The following PLEC variants were observed in gnomAD, a reference collection of about 807,000 sequenced individuals.
PLEC encodes the protein hemidesmosomal protein 1.
In PLEC, 216 loss-of-function variants were observed where a neutral mutation model predicts 392.8. That is an observed-to-expected ratio of 0.55 (90% CI 0.49 to 0.62). The LOEUF is 0.62. Ranked by LOEUF, PLEC falls within the 20% of genes least tolerant of loss-of-function variation. PLEC has a pLI of 0.00. For synonymous variants in PLEC, 3,621 were observed against 2,980.6 expected (o/e 1.21, Z -7.00); for missense variants, 6,863 against 6,563.4 (o/e 1.05, Z -1.58).
rs782403346 is a variant in PLEC, at chr8:143,925,882, C to T, written c.4047G>A (p.Arg1349=). 2.6e-6 allele frequency: 4 copies of T among 1,543,506 alleles called. No homozygotes were observed. In the African/African-American group the frequency reaches 5.4e-5, roughly 21 times the overall value. Reference sequence around the variant, plus strand: ...CCTCTGCCCGCTGCTGCTCAGCCAGCCTCTGTGGCCACAGCAGAGAGAAGA... The same window carrying T: ...CCTCTGCCCGCTGCTGCTCAGCCAGTCTCTGTGGCCACAGCAGAGAGAAGA... ...ETLRRMEEEE[R]LAEQQRAEER... The change falls in exon 31 of 32, where the codon AGG becomes AGA. Residue 1349 remains arginine, a splice_region_variant and synonymous_variant. Transcript: ENST00000345136.
Position 143,919,067 on chromosome 8 carries a change from ATGG to A in PLEC, c.10751_10753del (p.Thr3584del). 6.2e-7 allele frequency: 1 copy of A among 1,611,422 alleles called. No homozygotes were observed. On this transcript the variant is annotated inframe_deletion, in exon 32 of 32. Transcript: ENST00000345136. ...CGACTGCATCACCTCCCACAGGGAC[ATGG>A]TGGAGCCGCCGTGGCTGCCGCCGCC...
chr8:143,923,541 G>C lies in PLEC; in HGVS notation c.6388C>G (p.Gln2130Glu). 6.3e-7 allele frequency: 1 copy of C among 1,598,946 alleles called. No homozygotes were observed. The highest frequency in any genetic ancestry group is 8.5e-7 in the Non-Finnish European group (1 of 1,178,342). The change falls in exon 31 of 32, where the codon CAG (glutamine) becomes GAG (glutamate). Residue 2130 changes from glutamine (Q) to glutamate (E), a missense_variant. Physicochemically the swap from Gln to Glu is conservative, Grantham distance 29. Coordinates refer to ENST00000345136, the MANE Select transcript of PLEC (RefSeq NM_201384.3). ...SAEEQAQARA[Q>E]AQAAAEKLRK... ...AGCTTCTCTGCAGCCGCCTGTGCCT[G>C]AGCCCGGGCCTGTGCCTGCTCCTCT... is the stretch of plus-strand genomic sequence containing the variant.
At chr8:143,933,842 A>C (rs781941078) in intron 12 of PLEC, among the ~76,000 whole-genome samples, 156 bp downstream of exon 12, 3 of 152,088 alleles carry the variant, frequency 2.0e-5, no homozygotes, top group African/African-American at 7.2e-5. Context: ...AGGAGGGAGG[A>C]GCTCAGGCCT....
upstream of PLEC, chr8:143,975,088 C>T: frequency 7.0e-7 from 1 of 1,431,824 alleles, no homozygotes; most frequent in South Asian, 1.2e-5. The surrounding 1 kb of genome is among the most constrained non-coding windows in gnomAD (Gnocchi z 9.9). Flanking sequence ...CTCCCCCACC[C>T]AGTCCCCGCT....
chr8:143,931,566 T>C lies in PLEC; in HGVS notation c.2272A>G (p.Thr758Ala), dbSNP rs782438888. ...TCCTGCAGCAGGTCCTCCAGCCGGG[T>C]GACGGTGGCGGAGCGATCACAACTG... ...KYSCDRSATV[T>A]RLEDLLQDAQ... The change falls in exon 19 of 32, where the codon ACC becomes GCC. Residue 758 changes from threonine to alanine, a missense_variant. By Grantham distance (58) the Thr-to-Ala change is moderately conservative. Transcript: ENST00000345136. 6 of 1,596,350 alleles carry C rather than the reference T, an allele frequency of 3.8e-6. No individual in the cohort carries two copies. The Admixed American group carries it at 6.9e-5, about 18-fold the overall frequency.
Position 143,922,954 on chromosome 8 carries a change from G to C in PLEC, c.6975C>G (p.Leu2325=), listed in dbSNP as rs1554691013. 6.2e-7 allele frequency: 1 copy of C among 1,609,440 alleles called. No homozygotes were observed. Among genetic ancestry groups the C allele is most frequent in the Non-Finnish European group, 8.5e-7 (1 of 1,178,422 alleles). ...GCTGCAGCAGTTCCGCCTCAGCCTT[G>C]AGTCGCGTGGCCTCCTGCACCGCCT... ...KMQAVQEATR[L]KAEAELLQQQ... Residue 2325 remains leucine (L), a synonymous_variant, in exon 31 of 32, where the codon CTC becomes CTG. Transcript: ENST00000345136.
Position 143,929,492 on chromosome 8 carries a change from C to T in PLEC, c.3003G>A (p.Thr1001=), listed in dbSNP as rs782254666. 1.4e-5 allele frequency: 22 copies of T among 1,610,274 alleles called. No individual in the cohort carries two copies. The highest frequency in any genetic ancestry group is 9.9e-5 in the South Asian group (9 of 90,804). ...GCAGCCGCAGGCGGTGCACGGTGCG[C>T]GTCTCACAGGCCTCCAGCTGCAGCC... ...DIRLQLEACE[T]RTVHRLRLPL... The change falls in exon 24 of 32, where the codon ACG becomes ACA. Residue 1001 remains threonine, a synonymous_variant. Transcript: ENST00000345136.
At chr8:143,949,556 G>C (rs56015234) in intron 1 of PLEC, among the ~76,000 whole-genome samples, 11,349 of 152,222 alleles carry the variant, frequency 0.075, 1,412 homozygotes, top group African/African-American at 0.26. Flanking sequence ...TAGGCCCCAG[G>C]CTGGGCCAGC....
upstream of PLEC, among the ~76,000 whole-genome samples, chr8:143,973,909 G>A (rs892471314): frequency 2.0e-5 from 3 of 151,982 alleles, no homozygotes; most frequent in Admixed American, 1.3e-4. This position sits in a 1 kb window ranked among gnomAD's most constrained non-coding sequence, Gnocchi z 5.6. Flanking sequence ...CATTGGAGAC[G>A]ACTGAGTCGG....
Position 143,923,822 on chromosome 8 carries a change from A to T in PLEC, c.6107T>A (p.Leu2036Gln). The change falls in exon 31 of 32, where the codon CTG (leucine) becomes CAG (glutamine). Residue 2036 changes from leucine (L) to glutamine (Q), a missense_variant. Transcript: ENST00000345136. ...CTGGGCGGCCTCCTGGGCCAGCTGC[A>T]GCTGCCGCGCCGACTCCTGCTCCGC... ...ERAEQESARQ[L>Q]QLAQEAAQKR... The T allele has an allele frequency of 6.3e-7, 1 of 1,583,618 alleles. No homozygotes were observed. Among genetic ancestry groups the T allele is most frequent in the Non-Finnish European group, 8.5e-7 (1 of 1,173,124 alleles).
chr8:143,938,825 A>C, intron 1 of PLEC, 133 bp from the exon 2 acceptor site: 1 of 785,310 alleles, frequency 1.3e-6, no homozygotes, highest in Non-Finnish European at 2.2e-6. Flanking sequence ...CTCAGATCAC[A>C]CACTGAGACC....
chr8:143,919,154 T>C lies in PLEC; in HGVS notation c.10667A>G (p.Gln3556Arg), dbSNP rs1213382039. 5.6e-6 allele frequency: 9 copies of C among 1,613,420 alleles called. No individual in the cohort carries two copies. Among genetic ancestry groups the C allele is most frequent in the Non-Finnish European group, 7.6e-6 (9 of 1,180,022 alleles). The change falls in exon 32 of 32, where the codon CAG becomes CGG. Residue 3556 changes from glutamine to arginine, a missense_variant. Physicochemically the swap from Gln to Arg is conservative, Grantham distance 43 (BLOSUM62 1). Coordinates refer to ENST00000345136, the MANE Select transcript of PLEC (RefSeq NM_201384.3). ...AEKAEVVETT[Q>R]VYTEEETRRA... ...TCTTGTCTCCTCCTCAGTGTACACC[T>C]GCGTGGTCTCCACCACCTCAGCCTT...
At position 143,923,760 on chromosome 8, in the gene PLEC, C is replaced by T. The variant is rs542184546; in HGVS notation, c.6169G>A (p.Ala2057Thr). The T allele has an allele frequency of 1.0e-4, 159 of 1,559,456 alleles. No homozygotes were observed. Among genetic ancestry groups the T allele is most frequent in the Non-Finnish European group, 1.2e-4 (141 of 1,160,136 alleles). Reference sequence around the variant, plus strand: ...AGCTCCTGCTCCTTCTGCTGCACCGCGAAGGCGTGTGCCTTCTCTTCCGCC... The same window carrying T: ...AGCTCCTGCTCCTTCTGCTGCACCGTGAAGGCGTGTGCCTTCTCTTCCGCC... ...LQAEEKAHAFAVQQKEQELQQ... is the reference protein window; with the variant it reads ...LQAEEKAHAFTVQQKEQELQQ... Residue 2057 changes from alanine (A) to threonine (T), a missense_variant, in exon 31 of 32, where the codon GCG becomes ACG. Ala to Thr is a moderately conservative substitution (Grantham distance 58). Coordinates refer to ENST00000345136, the MANE Select transcript of PLEC (RefSeq NM_201384.3).
At chr8:143,964,372 C>T (rs1291018403) in intron 1 of PLEC, among the ~76,000 whole-genome samples, 1 of 151,968 alleles carries the variant, frequency 6.6e-6, no homozygotes, top group Non-Finnish European at 1.5e-5. Flanking sequence ...CCTAGATTAC[C>T]CAGTAGGGGG....
chr8:143,962,802 G>T (rs1373124395), intron 1 of PLEC, among the ~76,000 whole-genome samples: 1 of 152,252 alleles, frequency 6.6e-6, no homozygotes, highest in Non-Finnish European at 1.5e-5. Flanking sequence ...TGTGGAAGGT[G>T]TGGCTTGGCT....
rs782023418 is a variant in PLEC at position 143,934,386 on chromosome 8, C to T, written c.1101G>A (p.Glu367=). ...VPPGYHPLDV[E]KEWGKLHVAI... ...CCACGTGCAGCTTGCCCCACTCCTT[C>T]TCCACATCCAGCGGGTGGTAGCCAG... Residue 367 remains glutamate (E), a synonymous_variant, in exon 11 of 32, where the codon GAG becomes GAA. Transcript: ENST00000345136. The T allele has an allele frequency of 1.3e-5, 21 of 1,612,478 alleles. No individual in the cohort carries two copies. The highest frequency in any genetic ancestry group is 1.7e-5 in the Non-Finnish European group (20 of 1,179,938).
chr8:143,929,522 G>T lies in PLEC; in HGVS notation c.2973C>A (p.Asp991Glu), dbSNP rs1554711171. The change falls in exon 24 of 32, where the codon GAC (aspartate) becomes GAA (glutamate). Residue 991 changes from aspartate to glutamate, a missense_variant. Transcript: ENST00000345136. The part of the protein sequence containing the change: ...RCQRCISELK[D>E]IRLQLEACET... ...CACAGGCCTCCAGCTGCAGCCGGAT[G>T]TCTTTGAGCTCGGAGATGCAGCGCT... 2 of 1,612,618 alleles carry T rather than the reference G, an allele frequency of 1.2e-6. No individual in the cohort carries two copies. The highest frequency in any genetic ancestry group is 1.7e-6 in the Non-Finnish European group (2 of 1,179,922).
Position 143,922,633 on chromosome 8 carries a change from C to G in PLEC, c.7296G>C (p.Gln2432His). The G allele has an allele frequency of 6.2e-7, 1 of 1,613,664 alleles. No individual in the cohort carries two copies. ...LATQEKVTLV[Q>H]TLEIQRQQSD... The stretch of plus-strand genomic sequence containing the variant: ...TCTGCTGTCGCTGGATCTCCAGTGT[C>G]TGCACCAGGGTCACCTTCTCCTGGG... The change falls in exon 31 of 32, where the codon CAG (glutamine) becomes CAC (histidine). Residue 2432 changes from glutamine (Q) to histidine (H), a missense_variant. Transcript: ENST00000345136.
chr8:143,973,640 G>T (rs1554745136), upstream of PLEC: 12 of 627,288 alleles, frequency 1.9e-5, no homozygotes, highest in Non-Finnish European at 2.2e-5. The surrounding 1 kb of genome is among the most constrained non-coding windows in gnomAD (Gnocchi z 5.6). Flanking sequence ...CGCCGCGGCC[G>T]GGCAGAGGGA....
Sources: allele counts gnomAD v4.1 joint callset (sites outside exome capture counted in the v4.1 genomes callset), GRCh38; gene constraint gnomAD v4.1.1; non-coding constraint Gnocchi (gnomAD v3.1); transcripts MANE v1.5; gene names NCBI Gene and HGNC (gene_info 2026-07-23, HGNC 2026-07-21).